CELF4: variants seen among roughly 807,000 people sequenced by gnomAD.
CELF4 encodes the protein CUGBP Elav-like family member 4.
Under a neutral mutation model 59.9 loss-of-function variants are expected in CELF4, and 18 were observed. That is an observed-to-expected ratio of 0.30 (90% CI 0.21 to 0.45). The LOEUF (loss-of-function observed/expected upper bound fraction) is 0.45. Ranked by LOEUF, CELF4 falls within the 20% of genes least tolerant of loss-of-function variation. The probability of loss-of-function intolerance (pLI) is 1.00; values close to 1 mark genes in which losing one functional copy is unlikely to be tolerated. For missense variants in CELF4, 456 were observed against 689.0 expected (o/e 0.66, Z 3.79); for synonymous variants, 261 against 267.1 (o/e 0.98, Z 0.22).
intron 2 of CELF4, among the ~76,000 whole-genome samples, chr18:37,414,246 C>CTAT (rs2099505880): frequency 6.9e-6 from 1 of 145,050 alleles, no homozygotes; most frequent in African/African-American, 2.5e-5. Flanking sequence ...ATCTATCTAT[C>CTAT]CATCCATTCA....
intron 2 of CELF4, among the ~76,000 whole-genome samples, chr18:37,342,107 C>A (rs546918446): frequency 6.6e-5 from 10 of 152,068 alleles, no homozygotes; most frequent in Non-Finnish European, 1.5e-4. Flanking sequence ...CCACACACAA[C>A]CTTTTCTTCT....
At chr18:37,273,654 G>A (rs62085176) in intron 6 of CELF4, 4 of 988,112 alleles carry the variant, frequency 4.0e-6, no homozygotes, top group East Asian at 2.3e-4. Flanking sequence ...GCGGACAGGG[G>A]AGGCTGCGGA....
intron 2 of CELF4, among the ~76,000 whole-genome samples, chr18:37,441,572 C>G (rs1603641129): frequency 8.5e-5 from 13 of 152,128 alleles, no homozygotes; most frequent in Admixed American, 8.5e-4. Context: ...GCTGCGGCAG[C>G]CTAGTCCAGC....
In CELF4 at chr18:37,443,726, C is replaced by G. The variant is rs559072574; in HGVS notation, c.369+41799G>C. Reference sequence around the variant, plus strand: ...CTCGGCTCCCTCTCCCTCTCCCTCTCTGTGTCGGGGCTGGGGGTGGTCACT... The same window carrying G: ...CTCGGCTCCCTCTCCCTCTCCCTCTGTGTGTCGGGGCTGGGGGTGGTCACT... On this transcript the variant is annotated intron_variant, in intron 2 of 12. Coordinates refer to ENST00000420428, the MANE Select transcript of CELF4 (RefSeq NM_020180.4). Among the ~76,000 whole-genome samples the G allele has an allele frequency of 7.8e-4, 119 of 152,226 alleles. 1 individual carries two copies. The highest frequency in any genetic ancestry group is 2.8e-3 in the African/African-American group (115 of 41,562).
At chr18:37,426,665 C>A (rs923997681) in intron 2 of CELF4, among the ~76,000 whole-genome samples, 3 of 150,658 alleles carry the variant, frequency 2.0e-5, no homozygotes, top group Non-Finnish European at 4.4e-5. Flanking sequence ...GCAGAGGGTG[C>A]GGTGCGGGAG....
At chr18:37,339,680 G>A (rs1430362335) in intron 2 of CELF4, among the ~76,000 whole-genome samples, 1 of 151,804 alleles carries the variant, frequency 6.6e-6, no homozygotes, top group Non-Finnish European at 1.5e-5. Flanking sequence ...CTTGAACCTG[G>A]GAGGTGGAGT....
chr18:37,403,449 C>T lies in CELF4; in HGVS notation c.370-81568G>A, dbSNP rs527952262. On this transcript the variant is annotated intron_variant, in intron 2 of 12. Transcript: ENST00000420428. ...CCCTGTGGCTCTCTGTGCTCCTCCT[C>T]CAGTCACACAAGGCCCACAGGGAGG... 9.2e-5 allele frequency among the ~76,000 whole-genome samples: 14 copies of T among 152,180 alleles called. No individual in the cohort carries two copies. In the South Asian group the frequency reaches 2.9e-3, roughly 32 times the overall value.
chr18:37,398,269 G>C (rs1031580638), intron 2 of CELF4, among the ~76,000 whole-genome samples: 4 of 152,182 alleles, frequency 2.6e-5, no homozygotes, highest in African/African-American at 9.7e-5. Flanking sequence ...AGAAGGGAGA[G>C]GGGGCTGGAA....
chr18:37,354,787 G>T (rs201251588), intron 2 of CELF4, among the ~76,000 whole-genome samples: 4 of 152,128 alleles, frequency 2.6e-5, no homozygotes, highest in Non-Finnish European at 5.9e-5. Context: ...TTCCTGCCCC[G>T]CAAGGAGCCA....
chr18:37,472,947 C>A (rs1046299837), intron 2 of CELF4, among the ~76,000 whole-genome samples: 1 of 152,124 alleles, frequency 6.6e-6, no homozygotes, highest in African/African-American at 2.4e-5. Flanking sequence ...AACTCGCCCC[C>A]CAGAACTGAT....
At chr18:37,342,498 C>A (rs1603619667) in intron 2 of CELF4, among the ~76,000 whole-genome samples, 1 of 152,240 alleles carries the variant, frequency 6.6e-6, no homozygotes, top group East Asian at 1.9e-4. Flanking sequence ...CTCTGAGAGG[C>A]AGTGGAGGGC....
At chr18:37,551,730 A>C (rs2099983237) in intron 1 of CELF4, among the ~76,000 whole-genome samples, 1 of 152,174 alleles carries the variant, frequency 6.6e-6, no homozygotes, top group South Asian at 2.1e-4. Flanking sequence ...TCTCAGCCCA[A>C]GTGGGCTGCA....
chr18:37,436,118 G>A (rs562535839), intron 2 of CELF4, among the ~76,000 whole-genome samples: 2 of 152,294 alleles, frequency 1.3e-5, no homozygotes, highest in South Asian at 4.1e-4. Context: ...GGCTCAGGGT[G>A]TGAAAAGCTC....
At chr18:37,302,876 G>A (rs568685895) in intron 3 of CELF4, among the ~76,000 whole-genome samples, 7 of 152,258 alleles carry the variant, frequency 4.6e-5, no homozygotes, top group Non-Finnish European at 8.8e-5. Context: ...TTCCTTCAGA[G>A]TGGTCAGGAG....
chr18:37,281,034 C>G (rs1354292170), intron 3 of CELF4, among the ~76,000 whole-genome samples: 1 of 152,236 alleles, frequency 6.6e-6, no homozygotes, highest in African/African-American at 2.4e-5. Flanking sequence ...AACTCCTGAG[C>G]TCACTGTATT....
intron 1 of CELF4, among the ~76,000 whole-genome samples, chr18:37,501,576 T>C (rs1205367531): frequency 6.6e-6 from 1 of 152,190 alleles, no homozygotes; most frequent in Admixed American, 6.5e-5. Context: ...CAGAGGGATA[T>C]GGAGGAAGCC....
intron 2 of CELF4, among the ~76,000 whole-genome samples, chr18:37,454,091 C>T (rs2154601821): frequency 6.6e-6 from 1 of 152,246 alleles, no homozygotes; most frequent in Admixed American, 6.5e-5. Context: ...TGCCTTGCCT[C>T]CAGACAGACC....
chr18:37,313,565 G>T (rs1172510522), intron 3 of CELF4, among the ~76,000 whole-genome samples: 2 of 152,170 alleles, frequency 1.3e-5, no homozygotes, highest in Non-Finnish European at 2.9e-5. Flanking sequence ...GTCAGCAGTT[G>T]TGGCTAGGGG....
intron 2 of CELF4, among the ~76,000 whole-genome samples, chr18:37,339,778 G>T (rs1017550536): frequency 6.6e-6 from 1 of 151,786 alleles, no homozygotes; most frequent in Non-Finnish European, 1.5e-5. Context: ...AAAGGCCTGG[G>T]AGGCATCTTG....
Sources: allele counts gnomAD v4.1 joint callset (sites outside exome capture counted in the v4.1 genomes callset), GRCh38; gene constraint gnomAD v4.1.1; transcripts MANE v1.5; gene names NCBI Gene and HGNC (gene_info 2026-07-23, HGNC 2026-07-21).